The following TASP1 variants were observed in gnomAD, a reference collection of about 807,000 sequenced individuals.
TASP1 encodes the protein taspase 1, also known as threonine aspartase 1.
TASP1 carries 16 observed loss-of-function variants against 56.6 expected under a neutral mutation model. The observed-to-expected ratio is 0.28, with a 90% CI of 0.19 to 0.43. TASP1 has a LOEUF of 0.43. Among genes scored for constraint, TASP1 ranks in the 20% least tolerant of loss-of-function variants. TASP1 has a pLI of 1.00. For synonymous variants in TASP1, 179 were observed against 184.2 expected (o/e 0.97, Z 0.23); for missense variants, 393 against 511.6 (o/e 0.77, Z 2.24).
intron 12 of TASP1, among the ~76,000 whole-genome samples, chr20:13,423,810 C>T (rs1304220267): frequency 6.6e-6 from 1 of 152,090 alleles, no homozygotes; most frequent in Admixed American, 6.5e-5. Context: ...CTTGATTACC[C>T]TGTTAACCTA....
At chr20:13,406,579 T>C (rs1442040246) in intron 13 of TASP1, among the ~76,000 whole-genome samples, 1 of 152,182 alleles carries the variant, frequency 6.6e-6, no homozygotes, top group African/African-American at 2.4e-5. Flanking sequence ...CACCAATTAG[T>C]ATGATTTTAG....
chr20:13,426,224 A>G (rs768092509), intron 12 of TASP1, among the ~76,000 whole-genome samples: 1 of 152,322 alleles, frequency 6.6e-6, no homozygotes, highest in Non-Finnish European at 1.5e-5. Flanking sequence ...ACAGAAAACC[A>G]TTCAGTAAAA....
At chr20:13,158,911 T>C in the TASP1 span, among the ~76,000 whole-genome samples, 4 of 152,250 alleles carry the variant, frequency 2.6e-5, no homozygotes, top group South Asian at 8.3e-4. Flanking sequence ...GGAATGTTTC[T>C]CTGGTGCTGT....
chr20:13,429,229 C>A (rs1767427912), intron 12 of TASP1, among the ~76,000 whole-genome samples: 1 of 152,180 alleles, frequency 6.6e-6, no homozygotes, highest in South Asian at 2.1e-4. Context: ...AAGGAAAGAG[C>A]AAATTACCTG....
the TASP1 span, among the ~76,000 whole-genome samples, chr20:13,302,540 A>G: frequency 1.6e-3 from 244 of 152,280 alleles, 2 homozygotes; most frequent in Non-Finnish European, 2.6e-3. Flanking sequence ...CAGGCAGTTC[A>G]CTCAGTGGGC....
intron 10 of TASP1, among the ~76,000 whole-genome samples, chr20:13,519,015 T>A (rs962812076): frequency 2.0e-5 from 3 of 152,138 alleles, no homozygotes; most frequent in Non-Finnish European, 2.9e-5. Context: ...ACAAAAAAAA[T>A]ATCCCTTGCA....
At chr20:13,283,064 G>A in the TASP1 span, among the ~76,000 whole-genome samples, 3 of 151,920 alleles carry the variant, frequency 2.0e-5, no homozygotes, top group South Asian at 6.2e-4. Flanking sequence ...TTTAAGACAT[G>A]GAGTCTTGCC....
intron 12 of TASP1, among the ~76,000 whole-genome samples, chr20:13,419,876 C>T (rs972392968): frequency 2.0e-5 from 3 of 152,190 alleles, no homozygotes; most frequent in African/African-American, 7.2e-5. Context: ...CGCAATGAAG[C>T]AAGTTCTCTT....
chr20:13,617,310 A>C (rs770128591), intron 4 of TASP1, among the ~76,000 whole-genome samples: 5 of 152,242 alleles, frequency 3.3e-5, no homozygotes, highest in Admixed American at 3.3e-4. Context: ...TCAAAACTCA[A>C]ATTTCATGCA....
intron 4 of TASP1, among the ~76,000 whole-genome samples, chr20:13,607,436 A>C (rs1205283051): frequency 6.6e-6 from 1 of 152,272 alleles, no homozygotes; most frequent in Non-Finnish European, 1.5e-5. Flanking sequence ...GCAAGGCTCC[A>C]GGGTATACTG....
At chr20:13,348,200 G>A in the TASP1 span, among the ~76,000 whole-genome samples, 1 of 152,162 alleles carries the variant, frequency 6.6e-6, no homozygotes, top group African/African-American at 2.4e-5. Context: ...AAAGATCTAT[G>A]CCAAAGTGTT....
chr20:13,273,826 A>C, the TASP1 span, among the ~76,000 whole-genome samples: 1 of 152,198 alleles, frequency 6.6e-6, no homozygotes, highest in Non-Finnish European at 1.5e-5. Context: ...TTTCTGCTCT[A>C]TACAATCCCT....
the TASP1 span, among the ~76,000 whole-genome samples, chr20:13,326,383 A>C: frequency 6.6e-6 from 1 of 152,156 alleles, no homozygotes; most frequent in East Asian, 1.9e-4. Flanking sequence ...ATTCGATTTA[A>C]GTATATGTAT....
the TASP1 span, among the ~76,000 whole-genome samples, chr20:13,233,966 T>A: frequency 6.6e-6 from 1 of 152,202 alleles, no homozygotes; most frequent in East Asian, 1.9e-4. Context: ...ATCTGCATTT[T>A]AAAAATGTTT....
intron 11 of TASP1, among the ~76,000 whole-genome samples, chr20:13,462,792 T>A (rs909755829): frequency 1.2e-4 from 19 of 152,178 alleles, no homozygotes; most frequent in African/African-American, 3.6e-4. Context: ...TTAAAAAGAA[T>A]AAAATACTTG....
the TASP1 span, among the ~76,000 whole-genome samples, chr20:13,107,340 G>A: frequency 6.6e-6 from 1 of 152,166 alleles, no homozygotes; most frequent in Non-Finnish European, 1.5e-5. Flanking sequence ...TGGGTTAAAA[G>A]AGGAAATAGT....
chr20:13,399,975 A>G (rs1472630861), intron 13 of TASP1, among the ~76,000 whole-genome samples: 1 of 152,110 alleles, frequency 6.6e-6, no homozygotes, highest in African/African-American at 2.4e-5. Flanking sequence ...TTGCTCCCAT[A>G]AATCCTCCAA....
At chr20:13,231,812 C>T in the TASP1 span, among the ~76,000 whole-genome samples, 404 of 152,234 alleles carry the variant, frequency 2.7e-3, 3 homozygotes, top group Non-Finnish European at 5.1e-3. Flanking sequence ...TCTGAGCTGC[C>T]TGATTTGCAG....
the TASP1 span, chr20:13,270,556 C>T: frequency 6.2e-7 from 1 of 1,613,908 alleles, no homozygotes; most frequent in African/African-American, 1.3e-5. Flanking sequence ...TTTTCTCTCT[C>T]CAAAGAAGCA....
Sources: gnomAD v4.1 joint callset for allele counts (sites outside exome capture counted in the v4.1 genomes callset) on GRCh38, gnomAD v4.1.1 for gene constraint, MANE v1.5 for transcripts, NCBI Gene and HGNC (gene_info 2026-07-23, HGNC 2026-07-21) for gene names.